CACNA1I: variants seen among roughly 807,000 people sequenced by gnomAD.
CACNA1I encodes the protein calcium voltage-gated channel subunit alpha1 I, also known as voltage-dependent T-type calcium channel subunit alpha-1I.
In CACNA1I, 74 loss-of-function variants were observed where a neutral mutation model predicts 201.6. The ratio of observed to expected loss-of-function variants is 0.37; its 90% CI spans 0.30 to 0.45. CACNA1I has a LOEUF of 0.45. CACNA1I is among the 20% of genes least tolerant of loss of function. The pLI is 1.00. For synonymous variants in CACNA1I, 1,431 were observed against 1,345.2 expected, an observed-to-expected ratio of 1.06 and a Z score of -1.40; for missense variants, 2,346 against 3,138.1, an observed-to-expected ratio of 0.75 and a Z score of 6.03.
Position 39,662,831 on chromosome 22 carries a change from AGGTCC to A in CACNA1I, c.3430_3434del (p.Val1144ArgfsTer299). 6.2e-7 allele frequency: 1 copy of A among 1,602,332 alleles called. No homozygotes were observed. ...GACGTCTATAAGCCCGACTGGTGCG[AGGTCC>A]GCGAAGACTGGTCTGTCTACCTCTT... On this transcript the variant is annotated frameshift_variant, in exon 18 of 37. Transcript: ENST00000402142. LOFTEE classifies it high-confidence loss of function.
intron 4 of CACNA1I, among the ~76,000 whole-genome samples, chr22:39,627,254 G>A (rs1244355045): frequency 1.3e-5 from 2 of 152,200 alleles, no homozygotes; most frequent in African/African-American, 2.4e-5. Flanking sequence ...CCCTCAGCCT[G>A]GTCTGCTCCA....
At chr22:39,663,893 C>T (rs552616710) in intron 19 of CACNA1I, 52 bp downstream of exon 19, 25 of 1,607,906 alleles carry the variant, frequency 1.6e-5, no homozygotes, top group Admixed American at 6.7e-5. Flanking sequence ...AGGGACAGCT[C>T]GCCAGGGCTG....
At position 39,680,931 on chromosome 22, in the gene CACNA1I, T is replaced by C; in HGVS notation, c.5543T>C (p.Val1848Ala). The change falls in exon 34 of 37, where the codon GTG (valine) becomes GCG (alanine). Residue 1848 changes from valine to alanine, a missense_variant and splice_region_variant. Around this residue, in one of 13 missense-constraint regions of CACNA1I, gnomAD observed 441 missense variants for 555.6 expected, o/e 0.79. Coordinates refer to ENST00000402142, the MANE Select transcript of CACNA1I (RefSeq NM_021096.4). ...CKKCHHDKQE[V>A]QLAETEAFSL... The stretch of plus-strand genomic sequence containing the variant: ...CGAGGCCACCCCCTCTTCCTGCAGG[T>C]GCAGCTGGCTGAGACGGAGGCCTTC... 6.2e-7 allele frequency: 1 copy of C among 1,608,796 alleles called. No homozygotes were observed. Among genetic ancestry groups the C allele is most frequent in the Non-Finnish European group, 8.5e-7 (1 of 1,178,514 alleles).
chr22:39,632,836 C>T (rs113825107), intron 4 of CACNA1I, among the ~76,000 whole-genome samples: 6 of 151,048 alleles, frequency 4.0e-5, no homozygotes, highest in Admixed American at 6.6e-5. Context: ...CTGCTGTACA[C>T]GCCTCGCTTC....
intron 1 of CACNA1I, among the ~76,000 whole-genome samples, chr22:39,595,018 G>A (rs894735450): frequency 2.6e-5 from 4 of 152,134 alleles, no homozygotes; most frequent in African/African-American, 4.8e-5. Context: ...CGCCAGGCGC[G>A]GTGGCTCATG....
Position 39,662,394 on chromosome 22 carries a change from G to A in CACNA1I, c.3331G>A (p.Asp1111Asn), listed in dbSNP as rs1488247090. 2.7e-6 allele frequency: 4 copies of A among 1,471,550 alleles called. No homozygotes were observed. The highest frequency in any genetic ancestry group is 3.6e-6 in the Non-Finnish European group (4 of 1,120,416). 91.2% of individuals were successfully genotyped at this position (1,471,550 alleles called of 1,614,324 possible). A position where few individuals can be genotyped will look rare whatever the true frequency, so the allele number is the denominator to read the frequency against. Residue 1111 changes from aspartate to asparagine, a missense_variant, in exon 17 of 37, where the codon GAC (aspartate) becomes AAC (asparagine). Around this residue, in one of 13 missense-constraint regions of CACNA1I, gnomAD observed 288 missense variants for 255.2 expected, o/e 1.13. Transcript: ENST00000402142. ...CAAAGACGTCTTCACCAAGATGGGCGACCGCGGGGATCGCGGGGAGGATGA... is the reference window on the plus strand; with the variant it reads ...CAAAGACGTCTTCACCAAGATGGGCAACCGCGGGGATCGCGGGGAGGATGA... ...IAKDVFTKMG[D>N]RGDRGEDEEE...
intron 1 of CACNA1I, among the ~76,000 whole-genome samples, chr22:39,573,989 G>A (rs754741011): frequency 2.0e-5 from 3 of 152,160 alleles, no homozygotes; most frequent in Non-Finnish European, 2.9e-5. Context: ...CCATGGCCAG[G>A]GCTGCTGAGG....
chr22:39,576,252 T>C (rs567139236), intron 1 of CACNA1I, among the ~76,000 whole-genome samples: 2 of 152,374 alleles, frequency 1.3e-5, no homozygotes, highest in East Asian at 3.9e-4. Context: ...AGCACAAAAA[T>C]GTGCAGGATG....
chr22:39,628,942 C>A (rs955598439), intron 4 of CACNA1I, among the ~76,000 whole-genome samples: 1 of 152,138 alleles, frequency 6.6e-6, no homozygotes, highest in Non-Finnish European at 1.5e-5. Flanking sequence ...CTGACAGCTC[C>A]CCTCTGCCAA....
chr22:39,645,487 G>A (rs1037196523), intron 7 of CACNA1I, among the ~76,000 whole-genome samples: 7 of 152,158 alleles, frequency 4.6e-5, no homozygotes, highest in African/African-American at 1.2e-4. Flanking sequence ...CTCTCACACA[G>A]GCCTGGTGCA....
At position 39,640,998 on chromosome 22, in the gene CACNA1I, G is replaced by A. The variant is rs767554184; in HGVS notation, c.872G>A (p.Arg291His). Residue 291 changes from arginine (R) to histidine (H), a missense_variant, in exon 6 of 37, where the codon CGT (arginine) becomes CAT (histidine). Transcript: ENST00000402142. ...HEIPPLKEQG[R>H]ECCLSKDDVY... ...ATCCCCCCGCTCAAGGAGCAGGGCCGTGAGTGCTGCCTGTCCAAGGACGAC... is the reference window on the plus strand; with the variant it reads ...ATCCCCCCGCTCAAGGAGCAGGGCCATGAGTGCTGCCTGTCCAAGGACGAC... 41 of 1,613,940 alleles carry A rather than the reference G, an allele frequency of 2.5e-5. No individual in the cohort carries two copies. The highest frequency in any genetic ancestry group is 8.3e-5 in the Admixed American group (5 of 60,016).
chr22:39,630,629 A>G (rs943819881), intron 4 of CACNA1I, among the ~76,000 whole-genome samples: 1 of 152,130 alleles, frequency 6.6e-6, no homozygotes, highest in African/African-American at 2.4e-5. Flanking sequence ...TCCAGCGGGG[A>G]GGAGGAGGCA....
chr22:39,619,457 C>G (rs1384690001), intron 4 of CACNA1I, 50 bp downstream of exon 4: 2 of 1,409,632 alleles, frequency 1.4e-6, no homozygotes, highest in African/African-American at 1.4e-5. Context: ...CCATCCCTGG[C>G]CAACCCATCC....
At position 39,666,129 on chromosome 22, in the gene CACNA1I, C is replaced by A; in HGVS notation, c.4104+123C>A. 3 of 1,227,494 alleles carry A rather than the reference C, an allele frequency of 2.4e-6. No homozygotes were observed. The highest frequency in any genetic ancestry group is 2.3e-6 in the Non-Finnish European group (2 of 874,524). The allele number at this position is 1,227,494 out of a possible 1,614,324, so 76.0% of individuals were successfully genotyped here. A position where few individuals can be genotyped will look rare whatever the true frequency, so the allele number is the denominator to read the frequency against. On this transcript the variant is annotated intron_variant, in intron 23 of 36. Transcript: ENST00000402142. This position sits in a 1 kb window ranked among gnomAD's most constrained non-coding sequence, Gnocchi z 4.1. The stretch of plus-strand genomic sequence containing the variant: ...CTGACACTGACTTCTCCTCTCCAAG[C>A]CTCAGTTTCCTCTTCTGCAAAATGG...
intron 3 of CACNA1I, 29 bp from the exon 4 acceptor site, chr22:39,619,281 A>T: frequency 6.5e-7 from 1 of 1,546,098 alleles, no homozygotes; most frequent in Non-Finnish European, 8.9e-7. Context: ...CTCCAGCACC[A>T]TCCCTCACTC....
intron 3 of CACNA1I, among the ~76,000 whole-genome samples, chr22:39,609,399 T>C (rs1158454179): frequency 6.6e-6 from 1 of 152,260 alleles, no homozygotes; most frequent in Non-Finnish European, 1.5e-5. Context: ...AGGCAAATCC[T>C]GAATCCGTGT....
At position 39,686,181 on chromosome 22, in the gene CACNA1I, G is replaced by C; in HGVS notation, c.6448G>C (p.Ala2150Pro). 1 of 1,273,348 alleles carries C rather than the reference G, an allele frequency of 7.9e-7. No individual in the cohort carries two copies. Among genetic ancestry groups the C allele is most frequent in the East Asian group, 3.4e-5 (1 of 29,446 alleles). The allele number at this position is 1,273,348 out of a possible 1,614,324, so 78.9% of individuals were successfully genotyped here. A position where few individuals can be genotyped will look rare whatever the true frequency, so the allele number is the denominator to read the frequency against. Residue 2150 changes from alanine (A) to proline (P), a missense_variant, in exon 37 of 37, where the codon GCC becomes CCC. Physicochemically the swap from Ala to Pro is conservative, Grantham distance 27 (BLOSUM62 -1). This residue lies in a region of CACNA1I where 187 missense variants were observed against 151.0 expected (regional missense o/e 1.24). Transcript: ENST00000402142. ...PPPPAPGLTPARKFSSTSSLA... is the reference protein window; with the variant it reads ...PPPPAPGLTPPRKFSSTSSLA... ...GCCGCCAGCCCCCGGCCTCACGCCC[G>C]CCAGGAAGTTCAGCAGCACCAGCAG...
At chr22:39,678,770 C>T (rs1405492014) in intron 31 of CACNA1I, among the ~76,000 whole-genome samples, 3 of 152,166 alleles carry the variant, frequency 2.0e-5, no homozygotes, top group Non-Finnish European at 4.4e-5. Flanking sequence ...GTCACGAATG[C>T]ACCCTACTCC....
At chr22:39,656,225 AT>A (rs368698953) in intron 10 of CACNA1I, among the ~76,000 whole-genome samples, 435 of 149,496 alleles carry the variant, frequency 2.9e-3, no homozygotes, top group Non-Finnish European at 4.7e-3. Context: ...TTGGGTTGTT[AT>A]TTTTTTTTTC....
Sources: gnomAD v4.1 joint callset for allele counts (sites outside exome capture counted in the v4.1 genomes callset) on GRCh38, gnomAD v4.1.1 for gene constraint, gnomAD v4.1.1 regional missense constraint, Gnocchi (gnomAD v3.1) non-coding constraint, MANE v1.5 for transcripts, NCBI Gene and HGNC (gene_info 2026-07-23, HGNC 2026-07-21) for gene names.